OTOG: variants seen among roughly 807,000 people sequenced by gnomAD.
The protein encoded by OTOG is otogelin.
A neutral mutation model predicts 313.8 loss-of-function variants in OTOG; 296 were observed. The observed-to-expected ratio is 0.94, with a 90% CI of 0.86 to 1.04. The LOEUF (loss-of-function observed/expected upper bound fraction) is 1.04, where lower values mean the gene tolerates loss of function less well. OTOG is among the 50% of genes least tolerant of loss of function. OTOG has a pLI of 0.00. For synonymous variants in OTOG, 1,533 were observed against 1,554.9 expected (o/e 0.99, Z 0.33); for missense variants, 3,948 against 3,840.1 (o/e 1.03, Z -0.74).
chr11:17,569,361 C>A, intron 16 of OTOG, 73 bp downstream of exon 16: 1 of 1,528,650 alleles, frequency 6.5e-7, no homozygotes, highest in Non-Finnish European at 8.9e-7. Flanking sequence ...GATCCTCTGG[C>A]TAAAAGCACT....
chr11:17,633,639 TG>T (rs1274157338), intron 42 of OTOG, 40 bp from the exon 43 acceptor site: 1 of 1,474,274 alleles, frequency 6.8e-7, no homozygotes. Flanking sequence ...GAGCCCTGCC[TG>T]GGGTCTGAGG....
In OTOG at chr11:17,548,418, C is replaced by CTTTTTTTTTTTTTTTTTTTT. The variant is rs56402246; in HGVS notation, c.216+225_216+244dup. Among the ~76,000 whole-genome samples the CTTTTTTTTTTTTTTTTTTTT allele has an allele frequency of 2.2e-4, 19 of 87,630 alleles. 1 individual carries two copies. Among genetic ancestry groups the CTTTTTTTTTTTTTTTTTTTT allele is most frequent in the African/African-American group, 4.7e-4 (10 of 21,118 alleles). 57.5% of individuals were successfully genotyped at this position (87,630 alleles called of 152,430 possible). On this transcript the variant is annotated intron_variant, in intron 3 of 55. Coordinates refer to ENST00000399397, the MANE Select transcript of OTOG (RefSeq NM_001292063.2). ...ATCTCTTGGGGGTCTATAGTCCACTCTTTTTTTTTTTTTTTTTTTTTTTTT... is the reference window on the plus strand; with the variant it reads ...ATCTCTTGGGGGTCTATAGTCCACTCTTTTTTTTTTTTTTTTTTTTTTTTTTTTTTTTTTTTTTTTTTTTT...
intron 19 of OTOG, 99 bp downstream of exon 19, chr11:17,573,389 C>A: frequency 3.2e-6 from 4 of 1,256,590 alleles, no homozygotes; most frequent in South Asian, 3.1e-5. Flanking sequence ...GCCCTCCAGT[C>A]TCCTCCAGCC....
chr11:17,612,149 A>C lies in OTOG; in HGVS notation c.6124-13A>C. The C allele has an allele frequency of 6.5e-7, 1 of 1,548,290 alleles. No homozygotes were observed. Among genetic ancestry groups the C allele is most frequent in the Non-Finnish European group, 8.7e-7 (1 of 1,146,782 alleles). ...CTTGATGGTCACTCACACTTCCTCC[A>C]CTCTGTACCCAGCCAATCGCCGAGC... On this transcript the variant is annotated splice_polypyrimidine_tract_variant and intron_variant, in intron 36 of 55. Coordinates refer to ENST00000399397, the MANE Select transcript of OTOG (RefSeq NM_001292063.2).
intron 34 of OTOG, 108 bp downstream of exon 34, chr11:17,608,521 T>A: frequency 1.4e-6 from 1 of 720,594 alleles, no homozygotes; most frequent in African/African-American, 1.8e-5. Context: ...TGTATGGGGA[T>A]GTGTGTACCA....
At chr11:17,593,566 TA>T (rs1365494312) in intron 26 of OTOG, 43 bp from the exon 27 acceptor site, 2 of 1,541,972 alleles carry the variant, frequency 1.3e-6, no homozygotes, top group Non-Finnish European at 1.8e-6. Context: ...ACCTGGGCGC[TA>T]GGGGGCACTT....
intron 32 of OTOG, among the ~76,000 whole-genome samples, chr11:17,603,040 G>A (rs1853293353): frequency 6.6e-6 from 1 of 152,196 alleles, no homozygotes; most frequent in Non-Finnish European, 1.5e-5. Flanking sequence ...TCAGGATTTG[G>A]GACTTTATCC....
intron 54 of OTOG, 28 bp downstream of exon 54, chr11:17,643,534 G>A (rs922584934): frequency 1.4e-6 from 2 of 1,400,624 alleles, no homozygotes; most frequent in Non-Finnish European, 1.9e-6. Flanking sequence ...GGGCCCAGGG[G>A]TGGGGGGCTC....
chr11:17,618,602 T>G (rs1853786356), intron 39 of OTOG, among the ~76,000 whole-genome samples: 1 of 152,250 alleles, frequency 6.6e-6, no homozygotes, highest in Non-Finnish European at 1.5e-5. Context: ...TTCTAAATTC[T>G]TACTAATTTT....
In OTOG at chr11:17,559,080, C is replaced by G; in HGVS notation, c.1132C>G (p.Arg378Gly). The change falls in exon 11 of 56, where the codon CGG (arginine) becomes GGG (glycine). Residue 378 changes from arginine (R) to glycine (G), a missense_variant. Physicochemically the swap from Arg to Gly is moderately radical, Grantham distance 125. Transcript: ENST00000399397. ...AATGGGTGATGTAGCCACCTGGTGCCGGGCACTGGCGGAGTATGCCCGGGC... is the reference window on the plus strand; with the variant it reads ...AATGGGTGATGTAGCCACCTGGTGCGGGGCACTGGCGGAGTATGCCCGGGC... The part of the protein sequence containing the change: ...QSMGDVATWC[R>G]ALAEYARACA... 1 of 1,547,506 alleles carries G rather than the reference C, an allele frequency of 6.5e-7. No individual in the cohort carries two copies. Among genetic ancestry groups the G allele is most frequent in the Non-Finnish European group, 8.7e-7 (1 of 1,146,954 alleles).
rs1297826638 is a variant in OTOG, at chr11:17,634,275, G to T, written c.7474G>T (p.Val2492Phe). ...PTKDPCCLGTVCVCNQTLCEG... is the reference protein window; with the variant it reads ...PTKDPCCLGTFCVCNQTLCEG... ...CAAGGACCCCTGCTGCCTGGGGACT[G>T]TCTGTGGTGAGTGTCCACCTTCACT... is the stretch of plus-strand genomic sequence containing the variant. The change falls in exon 44 of 56, where the codon GTC becomes TTC. Residue 2492 changes from valine to phenylalanine, a missense_variant. Coordinates refer to ENST00000399397, the MANE Select transcript of OTOG (RefSeq NM_001292063.2). The T allele has an allele frequency of 6.5e-7, 1 of 1,550,170 alleles. No homozygotes were observed. Among genetic ancestry groups the T allele is most frequent in the South Asian group, 1.2e-5 (1 of 84,050 alleles).
intron 12 of OTOG, among the ~76,000 whole-genome samples, chr11:17,559,928 G>GGAAGAAAA (rs1554968747): frequency 6.6e-6 from 1 of 150,684 alleles, no homozygotes; most frequent in African/African-American, 2.5e-5. Flanking sequence ...AAGGAAGGGA[G>GGAAGAAAA]GGAAGGAAGG....
At chr11:17,578,851 C>T (rs1197163870) in intron 23 of OTOG, among the ~76,000 whole-genome samples, 3 of 152,332 alleles carry the variant, frequency 2.0e-5, no homozygotes, top group Admixed American at 2.0e-4. Context: ...GTCTGGCACG[C>T]TGGGCACTGC....
rs376286628 is a variant in OTOG, at chr11:17,548,164, G to A, written c.168G>A (p.Gln56=). The change falls in exon 3 of 56, where the codon CAG becomes CAA. Residue 56 remains glutamine (Q), a synonymous_variant. Transcript: ENST00000399397. Reference sequence around the variant, plus strand: ...GTGTTTCCTCCAGCAGCAGCCACCAGGAGGCGACCCTTGCCATGGGGGACA... The same window carrying A: ...GTGTTTCCTCCAGCAGCAGCCACCAAGAGGCGACCCTTGCCATGGGGGACA... ...EPAGQPSSSH[Q]EATLAMGDKA... is the part of the protein sequence containing the mutation. The A allele has an allele frequency of 1.9e-5, 29 of 1,548,106 alleles. No homozygotes were observed. The highest frequency in any genetic ancestry group is 2.4e-5 in the Non-Finnish European group (27 of 1,145,526).
Position 17,555,792 on chromosome 11 carries a change from C to G in OTOG, c.554C>G (p.Pro185Arg). The change falls in exon 7 of 56, where the codon CCG (proline) becomes CGG (arginine). Residue 185 changes from proline (P) to arginine (R), a missense_variant. By Grantham distance (103) the Pro-to-Arg change is moderately radical (BLOSUM62 -2). Transcript: ENST00000399397. ...CTCCCTACTCAGGTACACAATGACC[C>G]GCAGTGTGGCTCTTCACCCTACACC... The part of the protein sequence containing the change: ...QSFSIQVHND[P>R]QCGSSPYTCS... 1.3e-6 allele frequency: 2 copies of G among 1,550,358 alleles called. No homozygotes were observed. Among genetic ancestry groups the G allele is most frequent in the East Asian group, 2.4e-5 (1 of 40,922 alleles).
At chr11:17,591,903 A>G (rs1461160338) in intron 25 of OTOG, among the ~76,000 whole-genome samples, 1 of 152,232 alleles carries the variant, frequency 6.6e-6, no homozygotes, top group Non-Finnish European at 1.5e-5. Context: ...ATATTGAGCC[A>G]TATTTTGTGG....
At chr11:17,552,818 G>A (rs955797226) in intron 4 of OTOG, among the ~76,000 whole-genome samples, 6 of 152,264 alleles carry the variant, frequency 3.9e-5, no homozygotes, top group Non-Finnish European at 8.8e-5. Flanking sequence ...CCCATTCTCA[G>A]TTCTGCCTGC....
chr11:17,561,407 C>T (rs1852179777), intron 14 of OTOG, among the ~76,000 whole-genome samples: 2 of 152,350 alleles, frequency 1.3e-5, no homozygotes, highest in Admixed American at 6.5e-5. Context: ...TGGCCTGAGG[C>T]TGGTCCTCAA....
chr11:17,635,752 G>A (rs771181156), intron 47 of OTOG, 41 bp downstream of exon 47: 8 of 1,501,772 alleles, frequency 5.3e-6, no homozygotes, highest in Non-Finnish European at 6.3e-6. Flanking sequence ...CGGCAGGAAG[G>A]GGCCCTTCAC....
Sources: allele counts gnomAD v4.1 joint callset (sites outside exome capture counted in the v4.1 genomes callset), GRCh38; gene constraint gnomAD v4.1.1; transcripts MANE v1.5; gene names NCBI Gene and HGNC (gene_info 2026-07-23, HGNC 2026-07-21).